PPFIA2: variants seen among roughly 807,000 people sequenced by gnomAD.
The protein encoded by PPFIA2 is liprin-alpha-2.
A neutral mutation model predicts 175.5 loss-of-function variants in PPFIA2; 46 were observed. That is an observed-to-expected ratio of 0.26 (90% CI 0.21 to 0.34). The LOEUF (loss-of-function observed/expected upper bound fraction) is 0.34. PPFIA2 is among the 10% of genes least tolerant of loss of function. The pLI, the probability that PPFIA2 is intolerant of heterozygous loss-of-function variation, is 1.00. For synonymous variants in PPFIA2, 568 were observed against 511.4 expected (o/e 1.11, Z -1.49); for missense variants, 1,179 against 1,506.1 (o/e 0.78, Z 3.60).
intron 21 of PPFIA2, among the ~76,000 whole-genome samples, chr12:81,328,758 A>G (rs1428476515): frequency 1.3e-5 from 2 of 151,744 alleles, no homozygotes; most frequent in African/African-American, 2.4e-5. Flanking sequence ...AAGGATTCTA[A>G]ACATCCTTCA....
chr12:81,503,053 C>A (rs1442438996), intron 4 of PPFIA2, among the ~76,000 whole-genome samples: 1 of 151,962 alleles, frequency 6.6e-6, no homozygotes, highest in African/African-American at 2.4e-5. Flanking sequence ...CACTTCAAAA[C>A]CTTGCATATG....
chr12:81,666,156 G>A (rs1009387223), intron 4 of PPFIA2, among the ~76,000 whole-genome samples: 2 of 152,168 alleles, frequency 1.3e-5, no homozygotes, highest in East Asian at 1.9e-4. Context: ...CTTCTACACT[G>A]TTGGTGGGAC....
At chr12:81,612,837 G>A (rs2061064409) in intron 4 of PPFIA2, among the ~76,000 whole-genome samples, 1 of 151,980 alleles carries the variant, frequency 6.6e-6, no homozygotes, top group Admixed American at 6.6e-5. Context: ...ATAAATACAC[G>A]TGCACAAACA....
chr12:81,361,946 G>A (rs999227269), intron 15 of PPFIA2, among the ~76,000 whole-genome samples: 1 of 151,304 alleles, frequency 6.6e-6, no homozygotes, highest in Non-Finnish European at 1.5e-5. Flanking sequence ...AACACAAAAG[G>A]AAATTATGTG....
rs1339651408 is a variant in PPFIA2, at chr12:81,299,395, G to A, written c.2643-13C>T. On this transcript the variant is annotated splice_polypyrimidine_tract_variant and intron_variant, in intron 22 of 32. Coordinates refer to ENST00000549396, the MANE Select transcript of PPFIA2 (RefSeq NM_003625.5). ...AAGAAGTTCATGCCTGAAGTATATA[G>A]CAAAGATTATTAGGCAGGTATATGG... 9 of 1,569,654 alleles carry A rather than the reference G, an allele frequency of 5.7e-6. No individual in the cohort carries two copies. Among genetic ancestry groups the A allele is most frequent in the Non-Finnish European group, 7.8e-6 (9 of 1,155,952 alleles).
intron 7 of PPFIA2, among the ~76,000 whole-genome samples, chr12:81,429,334 T>G (rs2047697124): frequency 3.3e-5 from 5 of 152,030 alleles, no homozygotes; most frequent in Admixed American, 2.6e-4. Flanking sequence ...ATAATTTAAC[T>G]TAAGAGATTT....
At chr12:81,578,171 G>A (rs570087994) in intron 4 of PPFIA2, among the ~76,000 whole-genome samples, 3 of 151,788 alleles carry the variant, frequency 2.0e-5, no homozygotes, top group African/African-American at 4.8e-5. Flanking sequence ...GCAATCAAGA[G>A]AGGTAGGTAG....
At chr12:81,515,980 T>C (rs1373463674) in intron 4 of PPFIA2, among the ~76,000 whole-genome samples, 2 of 151,916 alleles carry the variant, frequency 1.3e-5, no homozygotes, top group Non-Finnish European at 2.9e-5. Flanking sequence ...AATTTTTTTT[T>C]TTGTATCTCA....
chr12:81,735,575 GT>G (rs958307176), intron 3 of PPFIA2, among the ~76,000 whole-genome samples: 15 of 151,596 alleles, frequency 9.9e-5, no homozygotes, highest in African/African-American at 2.9e-4. Flanking sequence ...TGAAGTATAA[GT>G]TTTTTTTATT....
Position 81,442,848 on chromosome 12 carries a change from CATATATATATATATAT to C in PPFIA2, c.570+2692_570+2707del, listed in dbSNP as rs35192542. On this transcript the variant is annotated intron_variant, in intron 6 of 32. Coordinates refer to ENST00000549396, the MANE Select transcript of PPFIA2 (RefSeq NM_003625.5). ...GGTTAATTGCATCTTTTTCTGACTTCATATATATATATATATATATATATATATATATATATATATA... is the reference window on the plus strand; with the variant it reads ...GGTTAATTGCATCTTTTTCTGACTTCATATATATATATATATATATATATA... 8.3e-3 allele frequency among the ~76,000 whole-genome samples: 117 copies of C among 14,094 alleles called. 3 individuals are homozygous for C. The highest frequency in any genetic ancestry group is 0.012 in the African/African-American group (52 of 4,184). 9.2% of individuals were successfully genotyped at this position (14,094 alleles called of 152,430 possible).
chr12:81,693,577 G>A (rs1403950301), intron 3 of PPFIA2, among the ~76,000 whole-genome samples: 1 of 152,090 alleles, frequency 6.6e-6, no homozygotes, highest in Non-Finnish European at 1.5e-5. Flanking sequence ...TTTCTTTGTA[G>A]CAATGCAAGA....
At chr12:81,383,463 C>G (rs2038220064) in intron 9 of PPFIA2, among the ~76,000 whole-genome samples, 2 of 151,920 alleles carry the variant, frequency 1.3e-5, no homozygotes. Context: ...AAAGTACTCT[C>G]TTCACTTGAT....
At chr12:81,646,995 T>A (rs1281428630) in intron 4 of PPFIA2, among the ~76,000 whole-genome samples, 1 of 150,258 alleles carries the variant, frequency 6.7e-6, no homozygotes, top group Non-Finnish European at 1.5e-5. Context: ...AAATTCAGGA[T>A]GATGACACTT....
intron 5 of PPFIA2, among the ~76,000 whole-genome samples, chr12:81,450,777 C>A (rs1242726498): frequency 6.6e-6 from 1 of 152,082 alleles, no homozygotes; most frequent in African/African-American, 2.4e-5. Context: ...TTAGGTCTAA[C>A]ATTTAAGTCT....
At chr12:81,660,194 T>C (rs2068564490) in intron 4 of PPFIA2, among the ~76,000 whole-genome samples, 1 of 152,112 alleles carries the variant, frequency 6.6e-6, no homozygotes, top group African/African-American at 2.4e-5. Context: ...CAAAGATGGA[T>C]GGAGAATGAC....
At chr12:81,600,067 C>G (rs865997501) in intron 4 of PPFIA2, among the ~76,000 whole-genome samples, 1 of 151,922 alleles carries the variant, frequency 6.6e-6, no homozygotes. Context: ...TTTTCCCTTT[C>G]CCATACTCTA....
At chr12:81,383,984 T>C in intron 9 of PPFIA2, 39 bp downstream of exon 9, 5 of 1,486,052 alleles carry the variant, frequency 3.4e-6, no homozygotes, top group Non-Finnish European at 4.7e-6. Flanking sequence ...AGAAGCAGCA[T>C]TCAGAAATCA....
intron 4 of PPFIA2, among the ~76,000 whole-genome samples, chr12:81,629,860 C>G (rs985937311): frequency 6.6e-6 from 1 of 152,182 alleles, no homozygotes; most frequent in Admixed American, 6.5e-5. Flanking sequence ...GGTCCACATC[C>G]TAATCCCTGA....
At chr12:81,408,225 T>C (rs2043268399) in intron 7 of PPFIA2, among the ~76,000 whole-genome samples, 1 of 152,180 alleles carries the variant, frequency 6.6e-6, no homozygotes, top group Non-Finnish European at 1.5e-5. Flanking sequence ...ATATCATTTT[T>C]ATATTACACT....
Sources: allele counts gnomAD v4.1 joint callset (sites outside exome capture counted in the v4.1 genomes callset), GRCh38; gene constraint gnomAD v4.1.1; transcripts MANE v1.5; gene names NCBI Gene and HGNC (gene_info 2026-07-23, HGNC 2026-07-21).